The following DMD variants were observed in gnomAD, a reference collection of about 807,000 sequenced individuals.
DMD encodes the protein dystrophin.
A neutral mutation model predicts 330.1 loss-of-function variants in DMD; 63 were observed. That is an observed-to-expected ratio of 0.19 (90% confidence interval 0.16 to 0.24). DMD has a LOEUF of 0.24. Ranked by LOEUF, DMD falls within the 10% of genes least tolerant of loss-of-function variation. The pLI, the probability that DMD is intolerant of heterozygous loss-of-function variation, is 1.00. For synonymous variants in DMD, 1,223 were observed against 959.8 expected, an observed-to-expected ratio of 1.27 and a Z score of -5.07; for missense variants, 3,344 against 2,684.1, an observed-to-expected ratio of 1.25 and a Z score of -5.43.
chrX:33,285,943 G>C (rs2053425700), intron 1 of DMD, among the ~76,000 whole-genome samples: 1 of 111,738 alleles, frequency 8.9e-6, no homozygotes, highest in African/African-American at 3.2e-5. Context: ...TCTGTTTCTT[G>C]CAAGAAAGAA....
intron 67 of DMD, among the ~76,000 whole-genome samples, chrX:31,189,585 A>G (rs1165225789): frequency 9.0e-6 from 1 of 111,701 alleles, no homozygotes; most frequent in Admixed American, 9.5e-5. Flanking sequence ...ATTCTCAGAT[A>G]ACAAGAAACC....
chrX:32,857,218 T>C (rs915867175), intron 2 of DMD, among the ~76,000 whole-genome samples: 2 of 112,580 alleles, frequency 1.8e-5, no homozygotes, highest in Admixed American at 1.9e-4. Context: ...AAATATACTA[T>C]GTATCCATAA....
intron 7 of DMD, among the ~76,000 whole-genome samples, chrX:32,716,207 C>T (rs1260803370): frequency 9.0e-6 from 1 of 111,150 alleles, no homozygotes; most frequent in East Asian, 2.8e-4. Context: ...TTGCCCAAAT[C>T]TCATGTTGAG....
intron 47 of DMD, among the ~76,000 whole-genome samples, chrX:31,895,934 A>G: frequency 8.9e-6 from 1 of 111,966 alleles, no homozygotes; most frequent in South Asian, 3.6e-4. Context: ...CTCTGCTTCC[A>G]ATTTCTTGTC....
chrX:32,394,916 C>CAAACAAAAAAAAAA (rs2098030184), intron 30 of DMD, among the ~76,000 whole-genome samples: 1 of 39,034 alleles, frequency 2.6e-5, no homozygotes, highest in African/African-American at 7.9e-5. Flanking sequence ...AACAAAAAAA[C>CAAACAAAAAAAAAA]AAAAAAAAAA....
At chrX:32,540,642 T>A (rs2048401446) in intron 17 of DMD, among the ~76,000 whole-genome samples, 1 of 112,085 alleles carries the variant, frequency 8.9e-6, no homozygotes, top group Admixed American at 9.5e-5. Context: ...TGGTTACTTA[T>A]TGTATCCACG....
intron 30 of DMD, among the ~76,000 whole-genome samples, chrX:32,401,585 G>C (rs1006065969): frequency 9.0e-6 from 1 of 111,456 alleles, no homozygotes; most frequent in Non-Finnish European, 1.9e-5. Flanking sequence ...TCAGGGGTTG[G>C]GGAGGAAGTG....
intron 53 of DMD, among the ~76,000 whole-genome samples, chrX:31,670,560 A>G (rs1470892060): frequency 8.9e-6 from 1 of 112,172 alleles, no homozygotes; most frequent in African/African-American, 3.2e-5. Flanking sequence ...TAGATCCAAA[A>G]TCAAGATTCC....
chrX:31,916,412 C>A (rs1423769257), intron 47 of DMD, among the ~76,000 whole-genome samples: 1 of 111,919 alleles, frequency 8.9e-6, no homozygotes, highest in African/African-American at 3.2e-5. Flanking sequence ...GTTAAGAGTT[C>A]TTAAATAATA....
intron 60 of DMD, among the ~76,000 whole-genome samples, chrX:31,393,616 T>C (rs922608811): frequency 5.4e-5 from 6 of 111,538 alleles, no homozygotes; most frequent in Admixed American, 3.8e-4. Flanking sequence ...CTAGAAATTA[T>C]TGAATACCAA....
At chrX:32,897,323 G>GGAAGGAA (rs1404021398) in intron 2 of DMD, among the ~76,000 whole-genome samples, 1 of 111,448 alleles carries the variant, frequency 9.0e-6, no homozygotes, top group Admixed American at 9.6e-5. Context: ...GGAAGGAGAA[G>GGAAGGAA]GAAGGAAGAA....
At chrX:32,563,405 C>T (rs1227702124) in intron 16 of DMD, among the ~76,000 whole-genome samples, 2 of 104,604 alleles carry the variant, frequency 1.9e-5, no homozygotes, top group African/African-American at 3.5e-5. Context: ...ACACACTGAA[C>T]TACATGACTT....
At chrX:32,773,063 T>G (rs1012394668) in intron 7 of DMD, among the ~76,000 whole-genome samples, 5 of 111,776 alleles carry the variant, frequency 4.5e-5, no homozygotes, top group Non-Finnish European at 7.5e-5. Flanking sequence ...TGAGAGGCTA[T>G]GACTATTCCC....
At chrX:32,591,160 C>T (rs1217054974) in intron 13 of DMD, among the ~76,000 whole-genome samples, 1 of 111,739 alleles carries the variant, frequency 8.9e-6, no homozygotes, top group Admixed American at 9.5e-5. Flanking sequence ...TACCTAGCCT[C>T]ATTCTTTTCA....
chrX:32,501,620 A>C (rs764972689), intron 19 of DMD, 135 bp downstream of exon 19: 10 of 514,912 alleles, frequency 1.9e-5, no homozygotes, highest in Non-Finnish European at 3.3e-5. Context: ...AAAGAATAAT[A>C]AAAAACATAC....
At chrX:31,370,308 G>C (rs991013020) in intron 60 of DMD, among the ~76,000 whole-genome samples, 1 of 111,391 alleles carries the variant, frequency 9.0e-6, no homozygotes, top group Non-Finnish European at 1.9e-5. Flanking sequence ...GAAAGGACTA[G>C]TATCTGATAC....
Position 31,646,252 on chromosome X carries a change from G to T in DMD, c.8027+11738C>A, listed in dbSNP as rs868384000. On this transcript the variant is annotated intron_variant, in intron 54 of 78. Coordinates refer to ENST00000357033, the MANE Select transcript of DMD (RefSeq NM_004006.3). ...TGTTCTATCACATTGTGTGTTGTGT[G>T]TTGTGTGTGTGTGTGTGTGTGTGTG... 4.5e-5 allele frequency among the ~76,000 whole-genome samples: 4 copies of T among 89,766 alleles called. No homozygotes were observed. The East Asian group carries it at 9.4e-4, about 21-fold the overall frequency. The allele number at this position is 89,766 out of a possible 115,157, so 78.0% of individuals were successfully genotyped here. A position where few individuals can be genotyped will look rare whatever the true frequency, so the allele number is the denominator to read the frequency against.
intron 17 of DMD, among the ~76,000 whole-genome samples, chrX:32,536,885 A>G (rs1342041758): frequency 2.7e-5 from 3 of 112,038 alleles, no homozygotes; most frequent in Non-Finnish European, 5.6e-5. Flanking sequence ...TTAAAACTGC[A>G]TTTTAAGATA....
chrX:32,387,900 G>A (rs186234089), intron 32 of DMD, among the ~76,000 whole-genome samples: 88 of 111,051 alleles, frequency 7.9e-4, no homozygotes, highest in African/African-American at 2.8e-3. Flanking sequence ...CATTAACATT[G>A]TTTCATTCAA....
Sources: allele counts gnomAD v4.1 joint callset (sites outside exome capture counted in the v4.1 genomes callset), GRCh38; gene constraint gnomAD v4.1.1; transcripts MANE v1.5; gene names NCBI Gene and HGNC (gene_info 2026-07-23, HGNC 2026-07-21).